The following ANKRD6 variants were observed in gnomAD, a reference collection of about 807,000 sequenced individuals.
ANKRD6 encodes the protein ankyrin repeat domain-containing protein 6.
ANKRD6 carries 56 observed loss-of-function variants against 82.3 expected under a neutral mutation model. That is an observed-to-expected ratio of 0.68 (90% confidence interval 0.55 to 0.85). ANKRD6 has a LOEUF of 0.85. Ranked by LOEUF, ANKRD6 falls within the 40% of genes least tolerant of loss-of-function variation. The probability of loss-of-function intolerance (pLI) is 0.00; values close to 1 mark genes in which losing one functional copy is unlikely to be tolerated. For synonymous variants in ANKRD6, 347 were observed against 352.1 expected (o/e 0.99, Z 0.16); for missense variants, 852 against 907.6 (o/e 0.94, Z 0.79).
intron 1 of ANKRD6, among the ~76,000 whole-genome samples, chr6:89,476,023 C>T (rs2127796928): frequency 6.6e-6 from 1 of 152,218 alleles, no homozygotes; most frequent in Middle Eastern, 3.4e-3. Flanking sequence ...TTCATAGGTA[C>T]TTTTACATGA....
intron 3 of ANKRD6, chr6:89,598,436 G>T (rs550271772): frequency 3.0e-6 from 3 of 985,120 alleles, no homozygotes; most frequent in South Asian, 4.7e-5. Flanking sequence ...AAAGAGGTCA[G>T]CAACTTGCTT....
chr6:89,613,155 T>A (rs1405719915), intron 6 of ANKRD6, among the ~76,000 whole-genome samples: 11 of 152,224 alleles, frequency 7.2e-5, no homozygotes, highest in Non-Finnish European at 7.3e-5. Context: ...GGAACAGGGT[T>A]CTGCCTGTTG....
At chr6:89,514,613 C>T (rs1310905835) in intron 1 of ANKRD6, among the ~76,000 whole-genome samples, 1 of 152,146 alleles carries the variant, frequency 6.6e-6, no homozygotes, top group Non-Finnish European at 1.5e-5. Flanking sequence ...CACTTCATTT[C>T]TATGATTAGA....
At chr6:89,617,042 A>G (rs1340424014) in intron 8 of ANKRD6, 2 of 408,972 alleles carry the variant, frequency 4.9e-6, no homozygotes, top group Non-Finnish European at 4.9e-6. Context: ...TTCTAAAGCA[A>G]CTCCTTTCTC....
intron 1 of ANKRD6, among the ~76,000 whole-genome samples, chr6:89,455,969 G>A (rs1280544267): frequency 6.6e-6 from 1 of 151,920 alleles, no homozygotes; most frequent in Admixed American, 6.6e-5. Flanking sequence ...CACCTCCCAG[G>A]TTCAAGCGAT....
At chr6:89,448,452 A>T (rs1199972296) in intron 1 of ANKRD6, among the ~76,000 whole-genome samples, 3 of 151,928 alleles carry the variant, frequency 2.0e-5, no homozygotes, top group Non-Finnish European at 4.4e-5. Context: ...AAAAAAAAGA[A>T]TTATACTACA....
At chr6:89,612,636 G>A (rs1383019256) in intron 6 of ANKRD6, among the ~76,000 whole-genome samples, 2 of 152,068 alleles carry the variant, frequency 1.3e-5, no homozygotes, top group Admixed American at 6.6e-5. Context: ...CTTACAGTAC[G>A]TGTCTGGCCA....
intron 1 of ANKRD6, among the ~76,000 whole-genome samples, chr6:89,438,346 C>T (rs1016042953): frequency 1.3e-5 from 2 of 152,110 alleles, no homozygotes; most frequent in South Asian, 4.1e-4. Context: ...CATGTGGTCT[C>T]CAGAGTCACT....
At chr6:89,548,768 G>A (rs1336350536) in intron 1 of ANKRD6, among the ~76,000 whole-genome samples, 2 of 152,196 alleles carry the variant, frequency 1.3e-5, no homozygotes, top group South Asian at 2.1e-4. Context: ...ATACAGTGGC[G>A]ACCAGTGTTA....
At chr6:89,510,344 T>C (rs1325518795) in intron 1 of ANKRD6, among the ~76,000 whole-genome samples, 1 of 152,182 alleles carries the variant, frequency 6.6e-6, no homozygotes, top group African/African-American at 2.4e-5. Context: ...AGGGGCACAT[T>C]AGCAAATAGG....
intron 1 of ANKRD6, among the ~76,000 whole-genome samples, chr6:89,505,622 A>G (rs368767932): frequency 5.3e-5 from 8 of 152,364 alleles, no homozygotes; most frequent in Admixed American, 3.3e-4. Context: ...GAGTGGCCCT[A>G]GAGTGTGGTT....
chr6:89,486,066 A>T (rs1009025909), intron 1 of ANKRD6, among the ~76,000 whole-genome samples: 10 of 152,206 alleles, frequency 6.6e-5, no homozygotes, highest in African/African-American at 1.9e-4. Context: ...AAACATTTTT[A>T]AAAAATGGGG....
chr6:89,578,585 C>T (rs540523215), intron 2 of ANKRD6, among the ~76,000 whole-genome samples: 2 of 152,224 alleles, frequency 1.3e-5, no homozygotes, highest in Admixed American at 1.3e-4. Context: ...CATGAGCCAC[C>T]GCATCCAGCC....
chr6:89,614,840 AAAAAAAAAAAAC>A lies in ANKRD6; in HGVS notation c.615+963_615+974del, dbSNP rs1490520327. Among the ~76,000 whole-genome samples, 195 of 147,234 alleles carry A rather than the reference AAAAAAAAAAAAC, an allele frequency of 1.3e-3. 1 individual carries two copies. Among genetic ancestry groups the A allele is most frequent in the African/African-American group, 4.7e-3 (190 of 40,480 alleles). ...AATGAGACCCCGTCTCTTTAAAGGA[AAAAAAAAAAAAC>A]AAAAAAAAAAACCCACCAAGCAAGC... On this transcript the variant is annotated intron_variant, in intron 7 of 15. Transcript: ENST00000339746.
At chr6:89,444,700 G>A (rs903677778) in intron 1 of ANKRD6, among the ~76,000 whole-genome samples, 1 of 152,164 alleles carries the variant, frequency 6.6e-6, no homozygotes, top group Non-Finnish European at 1.5e-5. Flanking sequence ...GGGCGCGGTG[G>A]CTCACGCCTG....
chr6:89,603,709 AAC>A (rs1177909427), intron 4 of ANKRD6, among the ~76,000 whole-genome samples: 1 of 152,204 alleles, frequency 6.6e-6, no homozygotes. Flanking sequence ...AACTGGGCCA[AAC>A]ACAGTGGCTC....
intron 1 of ANKRD6, among the ~76,000 whole-genome samples, chr6:89,516,843 C>A (rs575140034): frequency 6.6e-6 from 1 of 152,012 alleles, no homozygotes; most frequent in Non-Finnish European, 1.5e-5. Flanking sequence ...CTCTGGAGGA[C>A]CCCAATAACA....
intron 3 of ANKRD6, among the ~76,000 whole-genome samples, chr6:89,597,105 C>T (rs74575331): frequency 0.025 from 3,851 of 152,292 alleles, 94 homozygotes; most frequent in South Asian, 0.13. Flanking sequence ...ACAGTACTTG[C>T]AAAGAAATAA....
At chr6:89,501,719 CTGTT>C (rs1313952146) in intron 1 of ANKRD6, among the ~76,000 whole-genome samples, 2 of 152,140 alleles carry the variant, frequency 1.3e-5, no homozygotes. Context: ...CTTGAAAATA[CTGTT>C]TGTTACACCA....
Sources: gnomAD v4.1 joint callset for allele counts (sites outside exome capture counted in the v4.1 genomes callset) on GRCh38, gnomAD v4.1.1 for gene constraint, MANE v1.5 for transcripts, NCBI Gene and HGNC (gene_info 2026-07-23, HGNC 2026-07-21) for gene names.